The following AGAP1 variants were observed in gnomAD, a reference collection of about 807,000 sequenced individuals.
AGAP1 encodes arf-GAP with GTPase, ANK repeat and PH domain-containing protein 1.
AGAP1 carries 29 observed loss-of-function variants against 105.3 expected under a neutral mutation model. The ratio of observed to expected loss-of-function variants is 0.28; its 90% CI spans 0.21 to 0.38. AGAP1 has a LOEUF of 0.38. AGAP1 is among the 10% of genes least tolerant of loss of function. The pLI is 1.00. For missense variants in AGAP1, 998 were observed against 1,165.1 expected, an observed-to-expected ratio of 0.86 and a Z score of 2.09; for synonymous variants, 509 against 485.9, an observed-to-expected ratio of 1.05 and a Z score of -0.63.
chr2:235,788,343 AG>A lies in AGAP1; in HGVS notation c.674-9415del, dbSNP rs1956773183. Among the ~76,000 whole-genome samples, 1 of 152,180 alleles carries A rather than the reference AG, an allele frequency of 6.6e-6. No homozygotes were observed. The highest frequency in any genetic ancestry group is 2.4e-5 in the African/African-American group (1 of 41,446). On this transcript the variant is annotated intron_variant, in intron 6 of 17. Transcript: ENST00000304032. The surrounding 1 kb of genome is among the most constrained non-coding windows in gnomAD (Gnocchi z 6.0). ...AGATTTGAGGATTTTAATTCAGGAAAGTCCACCAAAAGGATAAACAGCTAGG... is the reference window on the plus strand; with the variant it reads ...AGATTTGAGGATTTTAATTCAGGAAATCCACCAAAAGGATAAACAGCTAGG...
chr2:235,626,209 T>A (rs909843199), intron 1 of AGAP1, among the ~76,000 whole-genome samples: 2 of 149,688 alleles, frequency 1.3e-5, no homozygotes, highest in Non-Finnish European at 3.0e-5. Flanking sequence ...AAAAAAAAAA[T>A]TAGCCGGTTA....
At chr2:235,986,413 G>A (rs1575974373) in intron 13 of AGAP1, among the ~76,000 whole-genome samples, 1 of 152,112 alleles carries the variant, frequency 6.6e-6, no homozygotes, top group African/African-American at 2.4e-5. Context: ...CATGTTGTCT[G>A]CAAACAGAGA....
chr2:235,686,523 C>T (rs910880852), intron 1 of AGAP1, among the ~76,000 whole-genome samples: 1 of 142,326 alleles, frequency 7.0e-6, no homozygotes, highest in South Asian at 2.2e-4. Context: ...ATTTGACGTC[C>T]GAATTCTGGT....
At position 236,012,299 on chromosome 2, in the gene AGAP1, C is replaced by G. The variant is rs1353132555; in HGVS notation, c.1646-24262C>G. ...GCACCCCTCCCCTCCCGAGGGGTGC[C>G]CAGCCTCCATTCTGCCTATTTATAT... is the stretch of plus-strand genomic sequence containing the variant. On this transcript the variant is annotated intron_variant, in intron 13 of 17. Transcript: ENST00000304032. The surrounding 1 kb of genome is among the most constrained non-coding windows in gnomAD (Gnocchi z 4.9). Among the ~76,000 whole-genome samples the G allele has an allele frequency of 6.6e-6, 1 of 151,866 alleles. No individual in the cohort carries two copies. Among genetic ancestry groups the G allele is most frequent in the Non-Finnish European group, 1.5e-5 (1 of 67,972 alleles).
At chr2:235,912,575 C>G (rs2051670671) in intron 11 of AGAP1, among the ~76,000 whole-genome samples, 1 of 152,164 alleles carries the variant, frequency 6.6e-6, no homozygotes, top group Admixed American at 6.5e-5. Context: ...CCGTAACTTG[C>G]ATTCACATAG....
intron 1 of AGAP1, among the ~76,000 whole-genome samples, chr2:235,587,552 A>C (rs553153033): frequency 8.6e-5 from 13 of 151,148 alleles, no homozygotes; most frequent in Admixed American, 2.0e-4. Context: ...AGGAGTTTGC[A>C]ACTAGCCTGG....
chr2:235,587,979 C>T (rs1322806584), intron 1 of AGAP1, among the ~76,000 whole-genome samples: 2 of 152,094 alleles, frequency 1.3e-5, no homozygotes, highest in African/African-American at 4.8e-5. Flanking sequence ...CCTGTAATCC[C>T]AGCACTTTGG....
intron 1 of AGAP1, among the ~76,000 whole-genome samples, chr2:235,534,621 T>C (rs1445362644): frequency 6.6e-6 from 1 of 152,184 alleles, no homozygotes; most frequent in African/African-American, 2.4e-5. Flanking sequence ...CATGTTCATG[T>C]ATAAATTATA....
chr2:235,903,133 A>C (rs2051143359), intron 10 of AGAP1, among the ~76,000 whole-genome samples: 1 of 152,106 alleles, frequency 6.6e-6, no homozygotes, highest in Non-Finnish European at 1.5e-5. Flanking sequence ...TTTCAGTATT[A>C]TATATTAATA....
chr2:235,769,150 G>A lies in AGAP1; in HGVS notation c.673+18662G>A, dbSNP rs777835386. Reference sequence around the variant, plus strand: ...TCCCTCTTCTGGGTTCTTAGTGCCCGTCCCCCGTAGCTCCGTCACACAGTC... The same window carrying A: ...TCCCTCTTCTGGGTTCTTAGTGCCCATCCCCCGTAGCTCCGTCACACAGTC... On this transcript the variant is annotated intron_variant, in intron 6 of 17. Transcript: ENST00000304032. The surrounding 1 kb of genome is among the most constrained non-coding windows in gnomAD (Gnocchi z 4.4). 6.6e-5 allele frequency among the ~76,000 whole-genome samples: 10 copies of A among 151,950 alleles called. No homozygotes were observed. Among genetic ancestry groups the A allele is most frequent in the East Asian group, 1.9e-4 (1 of 5,148 alleles).
In AGAP1 at chr2:236,101,215, G is replaced by C. The variant is rs1048284734; in HGVS notation, c.2115-18977G>C. The stretch of plus-strand genomic sequence containing the variant: ...TGGTACTGTTTGTTTTTGGCTGTTG[G>C]AACTGTTGTGATCCCCCACCACAAG... On this transcript the variant is annotated intron_variant, in intron 16 of 17. Coordinates refer to ENST00000304032, the MANE Select transcript of AGAP1 (RefSeq NM_001037131.3). The surrounding 1 kb of genome is among the most constrained non-coding windows in gnomAD (Gnocchi z 4.9). 6.6e-6 allele frequency among the ~76,000 whole-genome samples: 1 copy of C among 151,966 alleles called. No homozygotes were observed. Among genetic ancestry groups the C allele is most frequent in the Non-Finnish European group, 1.5e-5 (1 of 68,018 alleles).
intron 9 of AGAP1, among the ~76,000 whole-genome samples, chr2:235,811,626 A>G (rs1958145200): frequency 6.6e-6 from 1 of 152,088 alleles, no homozygotes; most frequent in African/African-American, 2.4e-5. Flanking sequence ...TGGCATTCCT[A>G]GGGTTAGTCA....
intron 12 of AGAP1, among the ~76,000 whole-genome samples, chr2:235,937,048 C>T (rs2053025099): frequency 6.6e-6 from 1 of 152,048 alleles, no homozygotes; most frequent in African/African-American, 2.4e-5. Context: ...GATGGATAGA[C>T]ATTTTGTCTT....
intron 9 of AGAP1, among the ~76,000 whole-genome samples, chr2:235,833,842 A>G (rs1440606828): frequency 1.4e-5 from 2 of 145,586 alleles, no homozygotes; most frequent in African/African-American, 2.5e-5. Flanking sequence ...TCTCACTCCA[A>G]TCCTCCAATC....
rs932309863 is a variant in AGAP1, at chr2:235,724,759, G to A, written c.310+7115G>A. 3.3e-5 allele frequency among the ~76,000 whole-genome samples: 5 copies of A among 152,116 alleles called. No homozygotes were observed. Among genetic ancestry groups the A allele is most frequent in the East Asian group, 3.9e-4 (2 of 5,190 alleles). Reference sequence around the variant, plus strand: ...AGAAACAGTGGGTGAGATTAGGCTCGACAGTTCCCTAACTCAGGAAAGTCG... The same window carrying A: ...AGAAACAGTGGGTGAGATTAGGCTCAACAGTTCCCTAACTCAGGAAAGTCG... On this transcript the variant is annotated intron_variant, in intron 3 of 17. Transcript: ENST00000304032. This position sits in a 1 kb window ranked among gnomAD's most constrained non-coding sequence, Gnocchi z 4.9.
chr2:235,937,876 G>T (rs948067054), intron 12 of AGAP1, among the ~76,000 whole-genome samples: 1 of 152,206 alleles, frequency 6.6e-6, no homozygotes, highest in Non-Finnish European at 1.5e-5. Context: ...AAACACCAGC[G>T]GTGCCACGGT....
intron 3 of AGAP1, among the ~76,000 whole-genome samples, chr2:235,735,842 A>G (rs1277733456): frequency 1.3e-5 from 2 of 152,058 alleles, no homozygotes; most frequent in African/African-American, 4.8e-5. Flanking sequence ...CAGAAACCTA[A>G]TACATTGCAC....
intron 6 of AGAP1, chr2:235,774,103 A>T (rs1955672537): frequency 2.4e-6 from 1 of 413,080 alleles, no homozygotes; most frequent in Non-Finnish European, 4.9e-6. Context: ...TTGCAATTAA[A>T]TATCCAGATC....
At chr2:235,816,458 GGAAA>G (rs375657430) in intron 9 of AGAP1, among the ~76,000 whole-genome samples, 2,874 of 138,510 alleles carry the variant, frequency 0.021, 29 homozygotes, top group African/African-American at 0.03. Flanking sequence ...AAAAAAAAAA[GGAAA>G]GAAAGAGCAG....
Sources: gnomAD v4.1 joint callset for allele counts (sites outside exome capture counted in the v4.1 genomes callset) on GRCh38, gnomAD v4.1.1 for gene constraint, Gnocchi (gnomAD v3.1) non-coding constraint, MANE v1.5 for transcripts, NCBI Gene and HGNC (gene_info 2026-07-23, HGNC 2026-07-21) for gene names.